ERMP1: variants seen among roughly 807,000 people sequenced by gnomAD.
ERMP1 encodes endoplasmic reticulum metallopeptidase 1, also known as Felix-ina.
ERMP1 carries 86 observed loss-of-function variants against 92.0 expected under a neutral mutation model. That is an observed-to-expected ratio of 0.93 (90% CI 0.79 to 1.12). The LOEUF (loss-of-function observed/expected upper bound fraction) is 1.12, where lower values mean the gene tolerates loss of function less well. Among genes scored for constraint, ERMP1 ranks in the 50% most tolerant of loss-of-function variants. The pLI is 0.00. For missense variants in ERMP1, 1,342 were observed against 1,116.3 expected (o/e 1.20, Z -2.88); for synonymous variants, 530 against 412.8 (o/e 1.28, Z -3.44).
chr9:5,804,536 A>G (rs1828797049), intron 10 of ERMP1, among the ~76,000 whole-genome samples: 1 of 152,212 alleles, frequency 6.6e-6, no homozygotes, highest in African/African-American at 2.4e-5. Context: ...AGACTCAATT[A>G]ACAAGCTTTC....
At chr9:5,816,355 G>C (rs7865802) in intron 4 of ERMP1, among the ~76,000 whole-genome samples, 46,193 of 152,056 alleles carry the variant, frequency 0.3, 8,205 homozygotes, top group East Asian at 0.58. Flanking sequence ...GTTTATCTGA[G>C]ATGATCATCC....
chr9:5,833,208 T>G (rs1313800602), upstream of ERMP1: 1 of 557,692 alleles, frequency 1.8e-6, no homozygotes, highest in Non-Finnish European at 3.0e-6. Flanking sequence ...AGTTCTCGGG[T>G]GCACACAGCT....
intron 10 of ERMP1, among the ~76,000 whole-genome samples, chr9:5,802,103 C>T (rs1214926769): frequency 6.6e-6 from 1 of 152,178 alleles, no homozygotes; most frequent in Non-Finnish European, 1.5e-5. Flanking sequence ...TAAGAAGCCA[C>T]ATTTTAAATA....
intron 4 of ERMP1, among the ~76,000 whole-genome samples, chr9:5,815,422 T>G (rs1829263511): frequency 2.0e-5 from 3 of 150,498 alleles, no homozygotes; most frequent in African/African-American, 7.3e-5. Context: ...ACTGGGACAA[T>G]TCATGCAACA....
At chr9:5,833,104 CCGCAGCGCCTCCTAGT>C in exon 1 of ERMP1, 1 of 1,275,744 alleles carries the variant, frequency 7.8e-7, no homozygotes, top group Non-Finnish European at 1.0e-6. Context: ...GCCGTCGCTG[CCGCAGCGCCTCCTAGT>C]GAGCGGACGG....
At chr9:5,828,745 A>C (rs1021281857) in intron 2 of ERMP1, among the ~76,000 whole-genome samples, 4 of 152,184 alleles carry the variant, frequency 2.6e-5, no homozygotes, top group Non-Finnish European at 5.9e-5. Context: ...CTTTTGTTAC[A>C]GGGGTCCACT....
At chr9:5,849,594 T>C (rs1830281375) in intron 6 of ERMP1, among the ~76,000 whole-genome samples, 1 of 152,192 alleles carries the variant, frequency 6.6e-6, no homozygotes. Flanking sequence ...TTGGTCACTG[T>C]TCAGAAGGTG....
intron 4 of ERMP1, among the ~76,000 whole-genome samples, chr9:5,821,590 C>T (rs1420034865): frequency 1.3e-5 from 2 of 151,838 alleles, no homozygotes; most frequent in Admixed American, 6.6e-5. Context: ...TTAACCTCTC[C>T]GGACTACACA....
intron 4 of ERMP1, among the ~76,000 whole-genome samples, chr9:5,814,216 A>T (rs1173183407): frequency 6.6e-6 from 1 of 152,188 alleles, no homozygotes; most frequent in Non-Finnish European, 1.5e-5. Context: ...AATGAATAAG[A>T]CACATGGAAC....
chr9:5,828,064 G>A (rs1269392554), intron 2 of ERMP1, among the ~76,000 whole-genome samples: 4 of 152,344 alleles, frequency 2.6e-5, no homozygotes, highest in East Asian at 3.9e-4. Context: ...AGCACTTTGG[G>A]AGGATGAGGT....
At chr9:5,803,739 C>T (rs1828762801) in intron 10 of ERMP1, among the ~76,000 whole-genome samples, 1 of 152,080 alleles carries the variant, frequency 6.6e-6, no homozygotes, top group African/African-American at 2.4e-5. Flanking sequence ...CTATTAAACT[C>T]AAAAGCAGCA....
At chr9:5,840,410 T>C (rs2129731759) in intron 6 of ERMP1, among the ~76,000 whole-genome samples, 1 of 152,268 alleles carries the variant, frequency 6.6e-6, no homozygotes, top group Admixed American at 6.5e-5. Context: ...AGGGTTCACA[T>C]GTCCAAGAAG....
chr9:5,863,226 A>C (rs763534469), intron 5 of ERMP1, among the ~76,000 whole-genome samples: 13 of 152,246 alleles, frequency 8.5e-5, no homozygotes, highest in Admixed American at 3.3e-4. Context: ...GGGCAGCTTC[A>C]GTGCCTTTGT....
At chr9:5,812,720 G>C (rs1444952555) in intron 5 of ERMP1, 169 bp downstream of exon 5, 6 of 736,482 alleles carry the variant, frequency 8.1e-6, no homozygotes, top group Middle Eastern at 3.1e-4. Flanking sequence ...ATTTAAATTA[G>C]TATGGAGTTT....
At chr9:5,801,464 C>T in intron 10 of ERMP1, 136 bp from the exon 11 acceptor site, 1 of 701,488 alleles carries the variant, frequency 1.4e-6, no homozygotes, top group Non-Finnish European at 2.3e-6. Context: ...CTAGCATACT[C>T]TAACATCTAG....
chr9:5,833,246 G>A, upstream of ERMP1: 2 of 483,006 alleles, frequency 4.1e-6, no homozygotes, highest in Non-Finnish European at 7.2e-6. Flanking sequence ...GCGGGTGGTG[G>A]ATATGCCGTC....
chr9:5,822,831 A>G (rs1393715772), intron 4 of ERMP1, among the ~76,000 whole-genome samples: 1 of 152,128 alleles, frequency 6.6e-6, no homozygotes, highest in Non-Finnish European at 1.5e-5. Flanking sequence ...TGAGGTTGCA[A>G]TTTTTTTAAT....
At chr9:5,829,782 G>A (rs1829869967) in intron 2 of ERMP1, among the ~76,000 whole-genome samples, 1 of 152,216 alleles carries the variant, frequency 6.6e-6, no homozygotes, top group South Asian at 2.1e-4. Context: ...TGTATCAAAT[G>A]AGGGGTTCAG....
chr9:5,856,469 G>A (rs1459667941), intron 6 of ERMP1: 2 of 169,184 alleles, frequency 1.2e-5, no homozygotes, highest in East Asian at 1.9e-4. Flanking sequence ...CAGCCAAGAC[G>A]ACCAGAGGGA....
Sources: gnomAD v4.1 joint callset for allele counts (sites outside exome capture counted in the v4.1 genomes callset) on GRCh38, gnomAD v4.1.1 for gene constraint, MANE v1.5 for transcripts, NCBI Gene and HGNC (gene_info 2026-07-23, HGNC 2026-07-21) for gene names.